Variants in TBC1D2 observed in about 807,000 individuals in gnomAD.
TBC1D2 encodes the protein TBC1 domain family member 2, also known as TBC1 domain family member 2A.
TBC1D2 carries 58 observed loss-of-function variants against 91.1 expected under a neutral mutation model. That is an observed-to-expected ratio of 0.64 (90% CI 0.52 to 0.79). TBC1D2 has a LOEUF of 0.79. Ranked by LOEUF, TBC1D2 falls within the 30% of genes least tolerant of loss-of-function variation. TBC1D2 has a pLI of 0.00. For synonymous variants in TBC1D2, 482 were observed against 511.5 expected, an observed-to-expected ratio of 0.94 and a Z score of 0.78; for missense variants, 1,080 against 1,208.3, an observed-to-expected ratio of 0.89 and a Z score of 1.57.
chr9:98,244,031 G>C lies in TBC1D2; in HGVS notation c.610C>G (p.Gln204Glu). Residue 204 changes from glutamine to glutamate, a missense_variant, in exon 3 of 13, where the codon CAG (glutamine) becomes GAG (glutamate). By Grantham distance (29) the Gln-to-Glu change is conservative. Coordinates refer to ENST00000465784, the MANE Select transcript of TBC1D2 (RefSeq NM_001267571.2). The stretch of plus-strand genomic sequence containing the variant: ...CCCAGGTGCTTGAGGGAAATATTCT[G>C]AAGGGCAGGGAAGGGCTGCAAGGCA... ...AAALQPFPAL[Q>E]NISLKHLGTE... 1 of 1,610,432 alleles carries C rather than the reference G, an allele frequency of 6.2e-7. No individual in the cohort carries two copies. The highest frequency in any genetic ancestry group is 8.5e-7 in the Non-Finnish European group (1 of 1,178,404).
At chr9:98,243,780 G>A (rs111773316) in intron 3 of TBC1D2, among the ~76,000 whole-genome samples, 18,704 of 152,012 alleles carry the variant, frequency 0.12, 2,664 homozygotes, top group African/African-American at 0.35. Context: ...CCAGTGATCC[G>A]CCCACCTCGG....
chr9:98,239,963 T>C (rs1295472515), intron 3 of TBC1D2, among the ~76,000 whole-genome samples: 2 of 152,224 alleles, frequency 1.3e-5, no homozygotes, highest in Non-Finnish European at 2.9e-5. Flanking sequence ...TGGCACATAG[T>C]TGTTCATAGT....
At chr9:98,200,498 T>G in intron 11 of TBC1D2, 124 bp from the exon 12 acceptor site, 4 of 562,358 alleles carry the variant, frequency 7.1e-6, no homozygotes, top group Non-Finnish European at 2.6e-6. Context: ...AGTTGAGGCC[T>G]GGAGGCACAA....
intron 5 of TBC1D2, among the ~76,000 whole-genome samples, chr9:98,227,972 T>A (rs928893235): frequency 9.2e-5 from 14 of 152,092 alleles, no homozygotes; most frequent in African/African-American, 2.4e-4. Context: ...AGAAGAAATG[T>A]ACAAGTTATA....
chr9:98,223,070 G>A (rs551938925), intron 5 of TBC1D2, among the ~76,000 whole-genome samples: 1 of 152,342 alleles, frequency 6.6e-6, no homozygotes, highest in South Asian at 2.1e-4. Context: ...CACCTCCAAG[G>A]ACTGCAAAGG....
At chr9:98,243,290 A>G (rs1349764003) in intron 3 of TBC1D2, among the ~76,000 whole-genome samples, 1 of 152,146 alleles carries the variant, frequency 6.6e-6, no homozygotes, top group Non-Finnish European at 1.5e-5. Flanking sequence ...CATTTATGCA[A>G]TATGTATATA....
At chr9:98,239,299 C>G (rs528499391) in intron 3 of TBC1D2, among the ~76,000 whole-genome samples, 93 of 152,268 alleles carry the variant, frequency 6.1e-4, no homozygotes, top group African/African-American at 2.1e-3. Flanking sequence ...CCAATCCTCC[C>G]ACCTTGTCCT....
At chr9:98,251,724 G>C in intron 2 of TBC1D2, 61 bp downstream of exon 2, 1 of 1,492,626 alleles carries the variant, frequency 6.7e-7, no homozygotes, top group Non-Finnish European at 8.9e-7. Flanking sequence ...CCCAGCAGGA[G>C]GGTAAAGGCT....
At chr9:98,253,034 C>G (rs909298400) in intron 1 of TBC1D2, among the ~76,000 whole-genome samples, 2 of 152,154 alleles carry the variant, frequency 1.3e-5, no homozygotes, top group African/African-American at 4.8e-5. Context: ...CAGGTCTTCC[C>G]CATGACCTTA....
intron 8 of TBC1D2, 123 bp from the exon 9 acceptor site, chr9:98,209,267 G>A (rs536816052): frequency 2.2e-6 from 2 of 890,612 alleles, no homozygotes; most frequent in South Asian, 3.1e-5. Context: ...TAACCACACA[G>A]CTCTGGGCAG....
intron 3 of TBC1D2, among the ~76,000 whole-genome samples, chr9:98,240,354 G>A (rs1382041399): frequency 6.6e-6 from 1 of 152,146 alleles, no homozygotes; most frequent in Non-Finnish European, 1.5e-5. Flanking sequence ...AATTACTATG[G>A]TGTCCTGTTA....
intron 3 of TBC1D2, among the ~76,000 whole-genome samples, chr9:98,243,725 A>AG (rs777555194): frequency 4.6e-5 from 7 of 151,898 alleles, no homozygotes; most frequent in Admixed American, 1.3e-4. Context: ...TTAGTAGAGA[A>AG]GGGGTTTCGC....
chr9:98,216,520 A>T (rs1272145875), intron 6 of TBC1D2, among the ~76,000 whole-genome samples: 1 of 152,164 alleles, frequency 6.6e-6, no homozygotes, highest in Non-Finnish European at 1.5e-5. Flanking sequence ...CCTTGTCACG[A>T]AAGAGAGCCA....
intron 2 of TBC1D2, among the ~76,000 whole-genome samples, chr9:98,244,619 A>T (rs1829724210): frequency 7.3e-6 from 1 of 136,978 alleles, no homozygotes; most frequent in Non-Finnish European, 1.5e-5. Flanking sequence ...AGATCGCGCC[A>T]TTGCACTCCA....
At position 98,221,358 on chromosome 9, in the gene TBC1D2, T is replaced by C. The variant is rs1829098509; in HGVS notation, c.979-130A>G. 4 of 1,137,546 alleles carry C rather than the reference T, an allele frequency of 3.5e-6. No individual in the cohort carries two copies. The African/African-American group carries it at 4.7e-5, about 13-fold the overall frequency. 70.5% of individuals were successfully genotyped at this position (1,137,546 alleles called of 1,614,324 possible). A position where few individuals can be genotyped will look rare whatever the true frequency, so the allele number is the denominator to read the frequency against. ...CCAGCAGCATCCCTGCGGCATCTCA[T>C]CCTGACACTCACTTTCTCCTTCTCT... On this transcript the variant is annotated intron_variant, in intron 5 of 12. Transcript: ENST00000465784.
chr9:98,221,382 C>G (rs1016812640), intron 5 of TBC1D2, among the ~76,000 whole-genome samples, 154 bp from the exon 6 acceptor site: 1 of 152,270 alleles, frequency 6.6e-6, no homozygotes, highest in Non-Finnish European at 1.5e-5. Flanking sequence ...TTCTCCTTCT[C>G]TGTTCAAGTG....
intron 2 of TBC1D2, among the ~76,000 whole-genome samples, chr9:98,247,025 TAA>T (rs35136067): frequency 1.8e-4 from 23 of 130,976 alleles, no homozygotes; most frequent in Non-Finnish European, 3.0e-4. Context: ...TGCAAATCAG[TAA>T]AAAAAAAAAA....
At chr9:98,247,037 A>AAG (rs1359144908) in intron 2 of TBC1D2, among the ~76,000 whole-genome samples, 1 of 152,034 alleles carries the variant, frequency 6.6e-6, no homozygotes, top group Non-Finnish European at 1.5e-5. Context: ...AAAAAAAAAA[A>AAG]AAATCAAGGG....
rs145451199 is a variant in TBC1D2, at chr9:98,237,713, T to C, written c.648-4164A>G. 1.4e-3 allele frequency among the ~76,000 whole-genome samples: 210 copies of C among 151,734 alleles called. 1 individual carries two copies. Among genetic ancestry groups the C allele is most frequent in the African/African-American group, 4.4e-3 (182 of 41,414 alleles). ...TTAGTAGAGACGGGGCAAACTTTTT[T>C]TATTCTTCAAGATTATTTTGGGTAC... On this transcript the variant is annotated intron_variant, in intron 3 of 12. Transcript: ENST00000465784.
Sources: gnomAD v4.1 joint callset for allele counts (sites outside exome capture counted in the v4.1 genomes callset) on GRCh38, gnomAD v4.1.1 for gene constraint, MANE v1.5 for transcripts, NCBI Gene and HGNC (gene_info 2026-07-23, HGNC 2026-07-21) for gene names.